The following MAPK14 variants were observed in gnomAD, a reference collection of about 807,000 sequenced individuals.
The protein encoded by MAPK14 is CSAID-binding protein.
A neutral mutation model predicts 49.6 loss-of-function variants in MAPK14; 16 were observed. The observed-to-expected ratio is 0.32, with a 90% CI of 0.22 to 0.49. The LOEUF (loss-of-function observed/expected upper bound fraction) is 0.49, where lower values mean the gene tolerates loss of function less well. MAPK14 is among the 20% of genes least tolerant of loss of function. The probability of loss-of-function intolerance (pLI) is 0.99; values close to 1 mark genes in which losing one functional copy is unlikely to be tolerated. For synonymous variants in MAPK14, 142 were observed against 158.0 expected (o/e 0.90, Z 0.76); for missense variants, 200 against 441.2 (o/e 0.45, Z 4.90).
At chr6:36,081,397 CT>C (rs1321411312) in intron 8 of MAPK14, among the ~76,000 whole-genome samples, 9 of 152,156 alleles carry the variant, frequency 5.9e-5, no homozygotes, top group Admixed American at 2.6e-4. Context: ...CAACTTCATT[CT>C]TTTGCATCTG....
chr6:36,030,975 A>G (rs534292315), intron 1 of MAPK14, among the ~76,000 whole-genome samples: 27 of 152,366 alleles, frequency 1.8e-4, no homozygotes, highest in Admixed American at 2.6e-4. Context: ...TAGATTTACA[A>G]TTAAGTGTTA....
chr6:36,073,591 A>G, intron 4 of MAPK14, 100 bp from the exon 5 acceptor site: 2 of 855,728 alleles, frequency 2.3e-6, no homozygotes, highest in Non-Finnish European at 3.8e-6. Context: ...TACTATTAAC[A>G]CTAGCAGTTC....
At chr6:36,069,151 G>T (rs186173942) in intron 3 of MAPK14, among the ~76,000 whole-genome samples, 121 of 152,026 alleles carry the variant, frequency 8.0e-4, no homozygotes, top group African/African-American at 2.9e-3. Context: ...ACAATATTAG[G>T]CATGTCTTTA....
intron 1 of MAPK14, among the ~76,000 whole-genome samples, chr6:36,047,530 G>A (rs1489145346): frequency 5.9e-5 from 9 of 151,958 alleles, no homozygotes. Context: ...TTGAAGGAGG[G>A]GAGTGTTGTG....
chr6:36,070,072 C>A (rs1031162666), intron 3 of MAPK14, among the ~76,000 whole-genome samples: 1 of 152,112 alleles, frequency 6.6e-6, no homozygotes. Flanking sequence ...AATACAGTAA[C>A]TGTGATTAGG....
At chr6:36,076,508 A>G (rs1195934876) in intron 7 of MAPK14, 29 bp from the exon 8 acceptor site, 11 of 1,537,622 alleles carry the variant, frequency 7.2e-6, no homozygotes, top group South Asian at 4.5e-5. Flanking sequence ...GACATTGCAT[A>G]TACTTTTACT....
At chr6:36,040,736 G>A (rs1411571651) in intron 1 of MAPK14, among the ~76,000 whole-genome samples, 1 of 152,166 alleles carries the variant, frequency 6.6e-6, no homozygotes, top group Non-Finnish European at 1.5e-5. Flanking sequence ...AAGGAAATTA[G>A]CATGAAGTCC....
intron 9 of MAPK14, among the ~76,000 whole-genome samples, chr6:36,101,173 C>T (rs1295360269): frequency 6.6e-6 from 1 of 152,142 alleles, no homozygotes; most frequent in African/African-American, 2.4e-5. Context: ...GGTGTGGTGG[C>T]GTGCACCTGC....
Position 36,051,540 on chromosome 6 carries a change from C to A in MAPK14, c.117-1159C>A, listed in dbSNP as rs140108450. Among the ~76,000 whole-genome samples the A allele has an allele frequency of 2.2e-4, 34 of 152,308 alleles. 1 individual carries two copies. The highest frequency in any genetic ancestry group is 7.7e-4 in the African/African-American group (32 of 41,562). ...TGCTCCCTGTGCTCTACCCACACAGCCTTTCTGTCTTTCTGTCACTCACTC... is the reference window on the plus strand; with the variant it reads ...TGCTCCCTGTGCTCTACCCACACAGACTTTCTGTCTTTCTGTCACTCACTC... On this transcript the variant is annotated intron_variant, in intron 1 of 11. Transcript: ENST00000229794.
At chr6:36,066,218 T>G (rs143814639) in intron 3 of MAPK14, among the ~76,000 whole-genome samples, 47 of 152,252 alleles carry the variant, frequency 3.1e-4, no homozygotes, top group Middle Eastern at 3.4e-3. Flanking sequence ...TAATATCACA[T>G]ACAAAATTGC....
chr6:36,077,602 C>T (rs1279849427), intron 8 of MAPK14, among the ~76,000 whole-genome samples: 4 of 152,046 alleles, frequency 2.6e-5, no homozygotes, highest in African/African-American at 4.8e-5. Flanking sequence ...TATCTACCCA[C>T]GTGTTCTAAC....
At chr6:36,042,476 CTTTTTTT>C (rs113286534) in intron 1 of MAPK14, among the ~76,000 whole-genome samples, 116 of 102,670 alleles carry the variant, frequency 1.1e-3, no homozygotes, top group African/African-American at 3.6e-3. Context: ...GAAGGAATAT[CTTTTTTT>C]TTTTTTTTTT....
In MAPK14 at chr6:36,028,672, C is replaced by T. The variant is rs937568603; in HGVS notation, c.116+399C>T. Among the ~76,000 whole-genome samples, 23 of 152,286 alleles carry T rather than the reference C, an allele frequency of 1.5e-4. No homozygotes were observed. Among genetic ancestry groups the T allele is most frequent in the African/African-American group, 5.3e-4 (22 of 41,564 alleles). ...ATGCGCCCACGCTGGGGCTCCGGAC[C>T]CTGGGTCCTCTGAGCAGACAAGCTC... is the stretch of plus-strand genomic sequence containing the variant. On this transcript the variant is annotated intron_variant, in intron 1 of 11. Coordinates refer to ENST00000229794, the MANE Select transcript of MAPK14 (RefSeq NM_139012.3). This position sits in a 1 kb window ranked among gnomAD's most constrained non-coding sequence, Gnocchi z 5.1.
At chr6:36,065,778 G>A (rs1265470820) in intron 3 of MAPK14, among the ~76,000 whole-genome samples, 4 of 152,096 alleles carry the variant, frequency 2.6e-5, no homozygotes, top group South Asian at 2.1e-4. Flanking sequence ...ACATTCCATA[G>A]TGTGTGATAA....
At chr6:36,096,308 A>G (rs1339961733) in intron 9 of MAPK14, 5 of 413,228 alleles carry the variant, frequency 1.2e-5, no homozygotes, top group East Asian at 3.8e-5. Flanking sequence ...GGGAGCCTCC[A>G]TTAGACAATA....
the MAPK14 span, among the ~76,000 whole-genome samples, chr6:36,124,137 TCCC>T: frequency 4.0e-4 from 15 of 37,958 alleles, no homozygotes; most frequent in East Asian, 4.1e-3. Flanking sequence ...CCTCCCTCCC[TCCC>T]TCCCTCCCTC....
intron 1 of MAPK14, among the ~76,000 whole-genome samples, chr6:36,042,218 C>T (rs1039564915): frequency 1.3e-5 from 2 of 152,046 alleles, no homozygotes; most frequent in Admixed American, 6.6e-5. Context: ...TAGGCAGTTG[C>T]ATTTCTAAAA....
intron 1 of MAPK14, among the ~76,000 whole-genome samples, chr6:36,045,725 C>T (rs539529036): frequency 2.9e-3 from 421 of 144,534 alleles, no homozygotes; most frequent in Middle Eastern, 7.2e-3. Flanking sequence ...AGGAGAATGG[C>T]GTGAACCCGG....
chr6:36,099,556 T>G lies in MAPK14; in HGVS notation c.763-3015T>G, dbSNP rs753960177. On this transcript the variant is annotated intron_variant, in intron 9 of 11. Coordinates refer to ENST00000229794, the MANE Select transcript of MAPK14 (RefSeq NM_139012.3). Reference sequence around the variant, plus strand: ...AACACTCTCAGCAGCCTGTGACTTCTGTTTTGCCTTTGCCATTAGCCTCTA... The same window carrying G: ...AACACTCTCAGCAGCCTGTGACTTCGGTTTTGCCTTTGCCATTAGCCTCTA... 3.7e-4 allele frequency among the ~76,000 whole-genome samples: 57 copies of G among 152,356 alleles called. No homozygotes were observed. The Middle Eastern group carries it at 0.014, about 36-fold the overall frequency.
Sources: allele counts gnomAD v4.1 joint callset (sites outside exome capture counted in the v4.1 genomes callset), GRCh38; gene constraint gnomAD v4.1.1; non-coding constraint Gnocchi (gnomAD v3.1); transcripts MANE v1.5; gene names NCBI Gene and HGNC (gene_info 2026-07-23, HGNC 2026-07-21).